SLC25A40: variants seen among roughly 807,000 people sequenced by gnomAD.
The protein encoded by SLC25A40 is mitochondrial glutathione transporter SLC25A40.
In SLC25A40, 41 loss-of-function variants were observed where a neutral mutation model predicts 46.5. That is an observed-to-expected ratio of 0.88 (90% confidence interval 0.69 to 1.14). The LOEUF (loss-of-function observed/expected upper bound fraction) is 1.14. Among genes scored for constraint, SLC25A40 ranks in the 50% most tolerant of loss-of-function variants. The pLI is 0.00. For missense variants in SLC25A40, 386 were observed against 393.6 expected, an observed-to-expected ratio of 0.98 and a Z score of 0.16; for synonymous variants, 126 against 127.5, an observed-to-expected ratio of 0.99 and a Z score of 0.08.
rs768592461 is a variant in SLC25A40, at chr7:87,847,052, G to A, written c.528C>T (p.Tyr176=). 14 of 1,613,618 alleles carry A rather than the reference G, an allele frequency of 8.7e-6. No individual in the cohort carries two copies. Among genetic ancestry groups the A allele is most frequent in the East Asian group, 4.5e-5 (2 of 44,846 alleles). Residue 176 remains tyrosine (Y), a synonymous_variant, in exon 8 of 12, where the codon TAC becomes TAT. Coordinates refer to ENST00000341119, the MANE Select transcript of SLC25A40 (RefSeq NM_018843.4). ...RTKMQSKKFS[Y]VELHRFVSKK... ...TGCTGACAAATCGATGCAGTTCCAC[G>A]TAAGAAAACTTCTTGGACTGCATCT... is the stretch of plus-strand genomic sequence containing the variant.
At chr7:87,865,151 G>T (rs1278486037) in intron 1 of SLC25A40, among the ~76,000 whole-genome samples, 1 of 151,710 alleles carries the variant, frequency 6.6e-6, no homozygotes, top group Non-Finnish European at 1.5e-5. Flanking sequence ...CTAACGCATT[G>T]CTTGTTATTT....
rs140407019 is a variant in SLC25A40 at position 87,864,913 on chromosome 7, T to G, written c.-93-4273A>C. Among the ~76,000 whole-genome samples the G allele has an allele frequency of 3.7e-3, 569 of 152,206 alleles. 2 individuals are homozygous for G. The highest frequency in any genetic ancestry group is 0.013 in the African/African-American group (543 of 41,560). ...TTTCTTCCATTCTTACTGTTTTCCT[T>G]TGTGGCTAAGTGATTTTCTTTGTTA... On this transcript the variant is annotated intron_variant, in intron 1 of 11. Coordinates refer to ENST00000341119, the MANE Select transcript of SLC25A40 (RefSeq NM_018843.4).
At chr7:87,837,531 T>C (rs1480259258) in intron 10 of SLC25A40, among the ~76,000 whole-genome samples, 1 of 150,998 alleles carries the variant, frequency 6.6e-6, no homozygotes, top group Non-Finnish European at 1.5e-5. Context: ...TTGCAACCAC[T>C]CAAATATCTG....
rs953631890 is a variant in SLC25A40, at chr7:87,836,063, A to G, written c.*186T>C. 2 of 448,902 alleles carry G rather than the reference A, an allele frequency of 4.5e-6. No homozygotes were observed. The highest frequency in any genetic ancestry group is 7.8e-6 in the Non-Finnish European group (2 of 256,076). The allele number at this position is 448,902 out of a possible 1,614,324, so 27.8% of individuals were successfully genotyped here. On this transcript the variant is annotated 3_prime_UTR_variant, in exon 12 of 12. Transcript: ENST00000341119. ...TGATTTCTAGAATATCTTTTTCAAT[A>G]TCACCAAAAATAAGATAAAATTTAT...
chr7:87,843,731 T>C, intron 9 of SLC25A40, 23 bp downstream of exon 9: 1 of 1,523,348 alleles, frequency 6.6e-7, no homozygotes, highest in East Asian at 2.3e-5. Context: ...TCTGGAATAT[T>C]AACAACAAAA....
intron 6 of SLC25A40, 115 bp downstream of exon 6, chr7:87,849,766 C>G (rs1478859355): frequency 1.4e-6 from 1 of 723,568 alleles, no homozygotes; most frequent in Non-Finnish European, 2.1e-6. Context: ...AAAACAATAC[C>G]TCAGAAAATG....
At chr7:87,841,069 T>G (rs955974934) in intron 10 of SLC25A40, among the ~76,000 whole-genome samples, 1 of 150,686 alleles carries the variant, frequency 6.6e-6, no homozygotes, top group Non-Finnish European at 1.5e-5. Flanking sequence ...AATTACAGGT[T>G]ATGAAGAAAT....
chr7:87,845,819 C>T (rs1838408275), intron 8 of SLC25A40, among the ~76,000 whole-genome samples: 3 of 151,978 alleles, frequency 2.0e-5, no homozygotes, highest in African/African-American at 4.8e-5. Context: ...AATTATTAAA[C>T]AAAAATTAAG....
rs1363435482 is a variant in SLC25A40, at chr7:87,858,646, G to A, written c.82C>T (p.Leu28=). 6 of 1,592,760 alleles carry A rather than the reference G, an allele frequency of 3.8e-6. No individual in the cohort carries two copies. Among genetic ancestry groups the A allele is most frequent in the Non-Finnish European group, 5.2e-6 (6 of 1,160,728 alleles). The change falls in exon 3 of 12, where the codon CTG becomes TTG. Residue 28 remains leucine, a synonymous_variant. Transcript: ENST00000341119. The part of the protein sequence containing the change: ...QMLASCTGAI[L]TSVIVTPLDV... ...ATAATTTTACCTATTACTGATGTCA[G>A]TATAGCTCCAGTACATGAGGCAAGC...
intron 4 of SLC25A40, among the ~76,000 whole-genome samples, chr7:87,855,044 C>T (rs1838587106): frequency 6.6e-6 from 1 of 151,546 alleles, no homozygotes; most frequent in South Asian, 2.1e-4. Flanking sequence ...TGCCTGTAGT[C>T]CCAGCTACTC....
At chr7:87,846,192 C>T (rs1838415802) in intron 8 of SLC25A40, among the ~76,000 whole-genome samples, 1 of 152,106 alleles carries the variant, frequency 6.6e-6, no homozygotes, top group South Asian at 2.1e-4. Context: ...GGCAATAATA[C>T]ATATGTGGGA....
chr7:87,844,641 C>CA (rs1411733695), intron 8 of SLC25A40, among the ~76,000 whole-genome samples: 1 of 150,600 alleles, frequency 6.6e-6, no homozygotes, highest in South Asian at 2.1e-4. Context: ...ATATCCAAAC[C>CA]AAAAAAATAG....
chr7:87,862,343 C>T (rs1428139601), intron 1 of SLC25A40, among the ~76,000 whole-genome samples: 2 of 152,124 alleles, frequency 1.3e-5, no homozygotes, highest in African/African-American at 4.8e-5. Flanking sequence ...TGCAAAATTC[C>T]TCTTTTCTAT....
At chr7:87,873,429 C>T (rs1237583751) in intron 1 of SLC25A40, among the ~76,000 whole-genome samples, 8 of 125,680 alleles carry the variant, frequency 6.4e-5, no homozygotes, top group African/African-American at 1.3e-4. Flanking sequence ...GAAAGGTTAA[C>T]TTTTTTTTTT....
At chr7:87,866,751 T>C (rs1271661197) in intron 1 of SLC25A40, among the ~76,000 whole-genome samples, 1 of 152,196 alleles carries the variant, frequency 6.6e-6, no homozygotes, top group Non-Finnish European at 1.5e-5. Flanking sequence ...CCTGTTTCAG[T>C]CCCGATAAGT....
chr7:87,858,581 G>T (rs1562747459), intron 3 of SLC25A40, 50 bp downstream of exon 3: 2 of 991,552 alleles, frequency 2.0e-6, no homozygotes, highest in Non-Finnish European at 3.2e-6. Flanking sequence ...TCAAATGGAA[G>T]CACTGACTCA....
At chr7:87,874,439 G>T (rs1043790722) in intron 1 of SLC25A40, among the ~76,000 whole-genome samples, 1 of 151,948 alleles carries the variant, frequency 6.6e-6, no homozygotes, top group African/African-American at 2.4e-5. Flanking sequence ...AAATTTTTTT[G>T]AAAGAGTACA....
Position 87,849,817 on chromosome 7 carries a change from A to G in SLC25A40, c.332+64T>C, listed in dbSNP as rs986077685. On this transcript the variant is annotated intron_variant, in intron 6 of 11. Coordinates refer to ENST00000341119, the MANE Select transcript of SLC25A40 (RefSeq NM_018843.4). The stretch of plus-strand genomic sequence containing the variant: ...TAAAAATGCAAGACTTTGTCCAACC[A>G]TGCTGATTATAGGATAAAATAACAA... 20 of 1,187,754 alleles carry G rather than the reference A, an allele frequency of 1.7e-5. No individual in the cohort carries two copies. The African/African-American group carries it at 2.2e-4, about 13-fold the overall frequency. The allele number at this position is 1,187,754 out of a possible 1,614,324, so 73.6% of individuals were successfully genotyped here.
chr7:87,864,980 C>CT lies in SLC25A40; in HGVS notation c.-93-4341dup, dbSNP rs927908236. ...TGATTTTTTTCTTTTCTTTTCTTTT[C>CT]TTTTTTTTTTTTTTGAGACAAGGTC... On this transcript the variant is annotated intron_variant, in intron 1 of 11. Coordinates refer to ENST00000341119, the MANE Select transcript of SLC25A40 (RefSeq NM_018843.4). 8.1e-3 allele frequency among the ~76,000 whole-genome samples: 986 copies of CT among 121,434 alleles called. 8 individuals are homozygous for CT. The highest frequency in any genetic ancestry group is 0.011 in the Admixed American group (131 of 12,228). The allele number at this position is 121,434 out of a possible 152,430, so 79.7% of individuals were successfully genotyped here.
Sources: allele counts gnomAD v4.1 joint callset (sites outside exome capture counted in the v4.1 genomes callset), GRCh38; gene constraint gnomAD v4.1.1; transcripts MANE v1.5; gene names NCBI Gene and HGNC (gene_info 2026-07-23, HGNC 2026-07-21).